The following DTD1 variants were observed in gnomAD, a reference collection of about 807,000 sequenced individuals.
The protein encoded by DTD1 is D-aminoacyl-tRNA deacylase 1.
Under a neutral mutation model 25.6 loss-of-function variants are expected in DTD1, and 13 were observed. That is an observed-to-expected ratio of 0.51 (90% CI 0.33 to 0.81). The LOEUF (loss-of-function observed/expected upper bound fraction) is 0.81. Among genes scored for constraint, DTD1 ranks in the 30% least tolerant of loss-of-function variants. The probability of loss-of-function intolerance (pLI) is 0.02; values close to 1 mark genes in which losing one functional copy is unlikely to be tolerated. For missense variants in DTD1, 193 were observed against 266.4 expected (o/e 0.72, Z 1.92); for synonymous variants, 110 against 103.6 (o/e 1.06, Z -0.37).
At chr20:18,757,577 C>A (rs192373431) in intron 5 of DTD1, among the ~76,000 whole-genome samples, 3 of 152,112 alleles carry the variant, frequency 2.0e-5, no homozygotes, top group African/African-American at 7.2e-5. Context: ...ATTATGTTTA[C>A]TGATTTGCAT....
intron 5 of DTD1, among the ~76,000 whole-genome samples, chr20:18,757,545 G>C (rs9753685): frequency 1.3e-5 from 2 of 152,080 alleles, no homozygotes. Context: ...GGTTTTTGTC[G>C]TTGGTTCTGT....
chr20:18,740,915 T>C (rs566781314), intron 4 of DTD1, among the ~76,000 whole-genome samples: 1 of 152,324 alleles, frequency 6.6e-6, no homozygotes, highest in African/African-American at 2.4e-5. Flanking sequence ...TCCTAACCTG[T>C]GGCAGAATAG....
In DTD1 at chr20:18,599,245, G is replaced by C. The variant is rs532919392; in HGVS notation, c.370+3004G>C. Among the ~76,000 whole-genome samples the C allele has an allele frequency of 5.3e-5, 8 of 152,026 alleles. No individual in the cohort carries two copies. The East Asian group carries it at 1.6e-3, about 29-fold the overall frequency. ...GCTGGAGTGCAGTGGTGTGATCTCG[G>C]CTCACTGCAACCTCTGACTCACGGG... On this transcript the variant is annotated intron_variant, in intron 3 of 5. Coordinates refer to ENST00000377452, the MANE Select transcript of DTD1 (RefSeq NM_080820.6).
chr20:18,736,431 T>C (rs1220531240), intron 4 of DTD1, among the ~76,000 whole-genome samples: 3 of 152,232 alleles, frequency 2.0e-5, no homozygotes, highest in African/African-American at 7.2e-5. Context: ...AACTTCCTTA[T>C]TCATTTCATG....
chr20:18,623,891 T>TGTGTGTGTGTGTGTGTGTG (rs1294608973), intron 3 of DTD1, among the ~76,000 whole-genome samples: 3 of 151,700 alleles, frequency 2.0e-5, no homozygotes, highest in Non-Finnish European at 2.9e-5. Flanking sequence ...TGTGTGTGTG[T>TGTGTGTGTGTGTGTGTGTG]GTGTGTGTGT....
intron 3 of DTD1, among the ~76,000 whole-genome samples, chr20:18,617,667 C>T (rs981806135): frequency 2.0e-5 from 3 of 152,056 alleles, no homozygotes; most frequent in Non-Finnish European, 2.9e-5. Flanking sequence ...CTCTGTCCAG[C>T]CTGTTTTTCT....
At chr20:18,753,905 G>T (rs1275813911) in intron 5 of DTD1, among the ~76,000 whole-genome samples, 1 of 152,176 alleles carries the variant, frequency 6.6e-6, no homozygotes, top group Non-Finnish European at 1.5e-5. Context: ...AGTGGAGGGA[G>T]CTTGCTGGAA....
At chr20:18,708,262 A>ATTT (rs1244321776) in intron 4 of DTD1, among the ~76,000 whole-genome samples, 1 of 35,654 alleles carries the variant, frequency 2.8e-5, no homozygotes, top group Non-Finnish European at 5.1e-5. Context: ...TTATATATAT[A>ATTT]TTTTATATAT....
At chr20:18,641,142 C>T (rs891703420) in intron 4 of DTD1, among the ~76,000 whole-genome samples, 1 of 152,162 alleles carries the variant, frequency 6.6e-6, no homozygotes, top group Non-Finnish European at 1.5e-5. Context: ...CTTCAAGATT[C>T]ATCCATGTTG....
intron 3 of DTD1, among the ~76,000 whole-genome samples, chr20:18,615,006 G>T (rs1433352233): frequency 6.6e-6 from 1 of 152,130 alleles, no homozygotes; most frequent in East Asian, 1.9e-4. Flanking sequence ...GTGGTCTCAG[G>T]GCAGTTGGCT....
intron 3 of DTD1, among the ~76,000 whole-genome samples, chr20:18,625,126 A>C (rs763809550): frequency 2.0e-5 from 3 of 152,174 alleles, no homozygotes; most frequent in African/African-American, 2.4e-5. Flanking sequence ...TGCAGAGCCA[A>C]GTGGAGAACC....
chr20:18,611,467 C>T (rs533534670), intron 3 of DTD1, among the ~76,000 whole-genome samples: 1 of 152,310 alleles, frequency 6.6e-6, no homozygotes, highest in East Asian at 1.9e-4. Context: ...AACTTTAAAA[C>T]GTAAAGTTTA....
chr20:18,653,768 C>T (rs536239805), intron 4 of DTD1, among the ~76,000 whole-genome samples: 2 of 152,254 alleles, frequency 1.3e-5, no homozygotes, highest in East Asian at 3.9e-4. Context: ...GTAAACCTTG[C>T]TTTTGAAAAA....
chr20:18,687,327 G>C (rs1382772337), intron 4 of DTD1, among the ~76,000 whole-genome samples: 1 of 152,122 alleles, frequency 6.6e-6, no homozygotes, highest in Non-Finnish European at 1.5e-5. Context: ...AGGTGAGGGG[G>C]TGTCAGGACC....
chr20:18,708,387 ACT>A (rs1355029089), intron 4 of DTD1, among the ~76,000 whole-genome samples: 1 of 125,658 alleles, frequency 8.0e-6, no homozygotes, highest in Non-Finnish European at 1.6e-5. Flanking sequence ...ACAAAGTCTC[ACT>A]CTGTCGCCCA....
At chr20:18,744,751 A>C (rs1449479475) in intron 5 of DTD1, among the ~76,000 whole-genome samples, 1 of 151,858 alleles carries the variant, frequency 6.6e-6, no homozygotes, top group Non-Finnish European at 1.5e-5. Flanking sequence ...CCCATGATTC[A>C]GTTACCTCCC....
At chr20:18,632,205 C>T in intron 4 of DTD1, 4 of 985,452 alleles carry the variant, frequency 4.1e-6, no homozygotes, top group Middle Eastern at 5.2e-4. Flanking sequence ...TTTTAAACTT[C>T]TAACGAGCCA....
intron 4 of DTD1, among the ~76,000 whole-genome samples, chr20:18,694,550 A>G (rs2061062259): frequency 1.3e-5 from 2 of 152,174 alleles, no homozygotes; most frequent in Admixed American, 6.5e-5. Flanking sequence ...CTTTCATACT[A>G]TAAAACTGGT....
chr20:18,728,250 G>A (rs1264343505), intron 4 of DTD1, among the ~76,000 whole-genome samples: 1 of 152,036 alleles, frequency 6.6e-6, no homozygotes, highest in Non-Finnish European at 1.5e-5. Context: ...TGGAGTGTAG[G>A]GAAGAGGGCG....
Sources: gnomAD v4.1 joint callset for allele counts (sites outside exome capture counted in the v4.1 genomes callset) on GRCh38, gnomAD v4.1.1 for gene constraint, MANE v1.5 for transcripts, NCBI Gene and HGNC (gene_info 2026-07-23, HGNC 2026-07-21) for gene names.